ZFYVE21: variants seen among roughly 807,000 people sequenced by gnomAD.
ZFYVE21 encodes zinc finger FYVE domain-containing protein 21.
Under a neutral mutation model 29.5 loss-of-function variants are expected in ZFYVE21, and 21 were observed. That is an observed-to-expected ratio of 0.71 (90% CI 0.50 to 1.02). The LOEUF (loss-of-function observed/expected upper bound fraction) is 1.02. Among genes scored for constraint, ZFYVE21 ranks in the 50% least tolerant of loss-of-function variants. The probability of loss-of-function intolerance (pLI) is 0.00; values close to 1 mark genes in which losing one functional copy is unlikely to be tolerated. For synonymous variants in ZFYVE21, 151 were observed against 133.8 expected (o/e 1.13, Z -0.89); for missense variants, 326 against 335.4 (o/e 0.97, Z 0.22).
intron 5 of ZFYVE21, 83 bp from the exon 6 acceptor site, chr14:103,732,537 T>C (rs912420638): frequency 6.7e-7 from 1 of 1,482,080 alleles, no homozygotes; most frequent in African/African-American, 1.4e-5. Context: ...GGTTAGGATG[T>C]GCTGGCCACC....
intron 1 of ZFYVE21, among the ~76,000 whole-genome samples, chr14:103,720,276 C>T (rs997769471): frequency 3.3e-5 from 5 of 152,166 alleles, no homozygotes; most frequent in Admixed American, 1.3e-4. Flanking sequence ...AAATCTTTGA[C>T]GTGGGTTCCT....
intron 2 of ZFYVE21, chr14:103,727,469 G>A (rs538561076): frequency 7.5e-4 from 434 of 581,070 alleles, no homozygotes; most frequent in Non-Finnish European, 1.1e-3. Flanking sequence ...GCGCGAGGGC[G>A]TCCTAAGCAG....
intron 1 of ZFYVE21, among the ~76,000 whole-genome samples, chr14:103,721,123 C>T (rs978646399): frequency 3.3e-5 from 5 of 152,174 alleles, no homozygotes; most frequent in African/African-American, 1.2e-4. Context: ...CCACGCCTGA[C>T]CTGGTTTCTT....
intron 2 of ZFYVE21, 136 bp downstream of exon 2, chr14:103,726,978 T>C (rs2083932710): frequency 7.6e-6 from 5 of 659,754 alleles, no homozygotes; most frequent in Non-Finnish European, 9.0e-6. Flanking sequence ...GGAGTTTCGC[T>C]CTTGTCGCCC....
intron 6 of ZFYVE21, 64 bp downstream of exon 6, chr14:103,732,826 A>G (rs1482296114): frequency 6.2e-7 from 1 of 1,600,372 alleles, no homozygotes. Flanking sequence ...CCTTTCCCAG[A>G]GGAAGCTCTG....
Position 103,732,605 on chromosome 14 carries a change from GTCTC to G in ZFYVE21, c.527-10_527-7del, listed in dbSNP as rs755752635. The G allele has an allele frequency of 6.4e-7, 1 of 1,553,262 alleles. No individual in the cohort carries two copies. Among genetic ancestry groups the G allele is most frequent in the Non-Finnish European group, 8.7e-7 (1 of 1,152,340 alleles). On this transcript the variant is annotated splice_polypyrimidine_tract_variant and intron_variant, in intron 5 of 6. Coordinates refer to ENST00000311141, the MANE Select transcript of ZFYVE21 (RefSeq NM_024071.4). Reference sequence around the variant, plus strand: ...GGCCTCCTTTGGGCCGTCTTACCTCGTCTCTCTCCTCCAGGAGGCAACGCACGGG... The same window carrying G: ...GGCCTCCTTTGGGCCGTCTTACCTCGTCTCCTCCAGGAGGCAACGCACGGG...
chr14:103,728,823 C>G, intron 3 of ZFYVE21, 85 bp from the exon 4 acceptor site: 1 of 1,313,352 alleles, frequency 7.6e-7, no homozygotes, highest in Non-Finnish European at 1.1e-6. Flanking sequence ...GTCCTCTGTG[C>G]GTGCGTCTCC....
At chr14:103,727,490 G>A (rs1379163056) in intron 2 of ZFYVE21, 1 of 636,698 alleles carries the variant, frequency 1.6e-6, no homozygotes, top group Non-Finnish European at 2.9e-6. Context: ...TGGGACTTGG[G>A]TAGTTGAAAG....
At chr14:103,731,874 A>G (rs1164888806) in intron 5 of ZFYVE21, 1 of 152,234 alleles carries the variant, frequency 6.6e-6, no homozygotes, top group African/African-American at 2.4e-5. Context: ...TTTCAACACC[A>G]GCCCTGACTG....
intron 5 of ZFYVE21, chr14:103,730,796 C>T (rs2083966705): frequency 6.6e-6 from 1 of 152,396 alleles, no homozygotes; most frequent in South Asian, 2.1e-4. Context: ...CCTTTGCCAG[C>T]CACGTGTGCT....
Position 103,715,931 on chromosome 14 carries a change from C to A in ZFYVE21, c.90C>A (p.Phe30Leu). The change falls in exon 1 of 7, where the codon TTC becomes TTA. Residue 30 changes from phenylalanine (F) to leucine (L), a missense_variant. By Grantham distance (22) the Phe-to-Leu change is conservative (BLOSUM62 0). Transcript: ENST00000311141. Reference protein sequence around the residue: ...GLRMVPEHRAFGSPFGLEEPQ... With the variant: ...GLRMVPEHRALGSPFGLEEPQ... ...GCATGGTGCCCGAACACCGCGCCTT[C>A]GGAAGCCCGTTCGGCCTGGAGGAGC... The A allele has an allele frequency of 7.0e-7, 1 of 1,430,802 alleles. No individual in the cohort carries two copies. 88.6% of individuals were successfully genotyped at this position (1,430,802 alleles called of 1,614,324 possible). A position where few individuals can be genotyped will look rare whatever the true frequency, so the allele number is the denominator to read the frequency against.
chr14:103,717,778 C>G (rs77844682), intron 1 of ZFYVE21, among the ~76,000 whole-genome samples: 8,466 of 152,280 alleles, frequency 0.056, 265 homozygotes, highest in Middle Eastern at 0.11. Flanking sequence ...GAGGTCCTAG[C>G]ATTGGGTGGG....
At chr14:103,726,948 G>GTTTTTTTTTTTTTT (rs572377392) in intron 2 of ZFYVE21, 106 bp downstream of exon 2, 7 of 661,584 alleles carry the variant, frequency 1.1e-5, no homozygotes, top group East Asian at 7.6e-5. Flanking sequence ...CTTATGGCTC[G>GTTTTTTTTTTTTTT]TTTTTTTTTT....
intron 1 of ZFYVE21, among the ~76,000 whole-genome samples, chr14:103,717,517 C>A (rs1188007637): frequency 6.6e-6 from 1 of 152,270 alleles, no homozygotes; most frequent in African/African-American, 2.4e-5. Flanking sequence ...CTCCTTCATT[C>A]TCTCTTCCAG....
At chr14:103,730,786 C>T (rs1440704729) in intron 5 of ZFYVE21, 1 of 152,372 alleles carries the variant, frequency 6.6e-6, no homozygotes, top group Non-Finnish European at 1.5e-5. Context: ...AGATAGTAAA[C>T]CTTTGCCAGC....
Position 103,715,821 on chromosome 14 carries a change from C to A in ZFYVE21, c.-21C>A. The stretch of plus-strand genomic sequence containing the variant: ...GAGGGGCCGGGTGCGGGGCCGCTGG[C>A]CGAGAGGCTGAGGCGGCGTCATGTC... On this transcript the variant is annotated 5_prime_UTR_variant, in exon 1 of 7. Coordinates refer to ENST00000311141, the MANE Select transcript of ZFYVE21 (RefSeq NM_024071.4). 1.5e-6 allele frequency: 2 copies of A among 1,357,392 alleles called. No homozygotes were observed. Among genetic ancestry groups the A allele is most frequent in the Non-Finnish European group, 1.9e-6 (2 of 1,046,748 alleles). 84.1% of individuals were successfully genotyped at this position (1,357,392 alleles called of 1,614,324 possible).
At chr14:103,728,180 A>C (rs927189212) in intron 3 of ZFYVE21, 2 of 372,214 alleles carry the variant, frequency 5.4e-6, no homozygotes, top group Non-Finnish European at 9.6e-6. Context: ...CCCAGGCAGC[A>C]CCTTCCTCCT....
intron 1 of ZFYVE21, chr14:103,726,503 T>G (rs2083925767): frequency 2.6e-6 from 1 of 391,950 alleles, no homozygotes; most frequent in African/African-American, 2.1e-5. Context: ...AGTGCCAGGA[T>G]GCATGCTCTG....
At chr14:103,728,731 C>T (rs2083950256) in intron 3 of ZFYVE21, 177 bp from the exon 4 acceptor site, 4 of 627,972 alleles carry the variant, frequency 6.4e-6, no homozygotes, top group South Asian at 2.0e-5. Flanking sequence ...CCTCTTAAAC[C>T]CTTGATCCAT....
Sources: gnomAD v4.1 joint callset for allele counts (sites outside exome capture counted in the v4.1 genomes callset) on GRCh38, gnomAD v4.1.1 for gene constraint, MANE v1.5 for transcripts, NCBI Gene and HGNC (gene_info 2026-07-23, HGNC 2026-07-21) for gene names.